The following ANK2 variants were observed in gnomAD, a reference collection of about 807,000 sequenced individuals.
The protein encoded by ANK2 is ankyrin 2.
In ANK2, 83 loss-of-function variants were observed where a neutral mutation model predicts 360.5. The observed-to-expected ratio is 0.23, with a 90% confidence interval of 0.19 to 0.28. The LOEUF (loss-of-function observed/expected upper bound fraction) is 0.28, where lower values mean the gene tolerates loss of function less well. Among genes scored for constraint, ANK2 ranks in the 10% least tolerant of loss-of-function variants. The probability of loss-of-function intolerance (pLI) is 1.00; values close to 1 mark genes in which losing one functional copy is unlikely to be tolerated. For synonymous variants in ANK2, 1,740 were observed against 1,759.5 expected (o/e 0.99, Z 0.28); for missense variants, 4,201 against 4,795.7 (o/e 0.88, Z 3.66).
At chr4:112,975,468 T>A (rs2041067920) in intron 2 of ANK2, among the ~76,000 whole-genome samples, 1 of 152,218 alleles carries the variant, frequency 6.6e-6, no homozygotes, top group African/African-American at 2.4e-5. Flanking sequence ...GAAAATATTA[T>A]ACACAACTTT....
At chr4:113,267,794 A>G (rs1490288056) in intron 14 of ANK2, among the ~76,000 whole-genome samples, 3 of 152,158 alleles carry the variant, frequency 2.0e-5, no homozygotes, top group Non-Finnish European at 2.9e-5. Context: ...AAGAAAATCA[A>G]CGGTAGCTTG....
the ANK2 span, among the ~76,000 whole-genome samples, chr4:112,810,420 C>A: frequency 2.0e-5 from 3 of 151,914 alleles, no homozygotes; most frequent in Non-Finnish European, 2.9e-5. Context: ...CTCTGTTGGC[C>A]CCAGTGTGTT....
chr4:112,884,802 A>G (rs192080451), intron 1 of ANK2, among the ~76,000 whole-genome samples: 1 of 152,148 alleles, frequency 6.6e-6, no homozygotes, highest in Non-Finnish European at 1.5e-5. Context: ...TCTGTCTTTC[A>G]TGATAATTTT....
Position 112,953,990 on chromosome 4 carries a change from G to A in ANK2, c.21+49476G>A, listed in dbSNP as rs372613957. Reference sequence around the variant, plus strand: ...TATAAATGTAAAGGCAGAAAAAAAAGAATTTAGAATATATGATAGACTGGT... The same window carrying A: ...TATAAATGTAAAGGCAGAAAAAAAAAAATTTAGAATATATGATAGACTGGT... On this transcript the variant is annotated intron_variant, in intron 2 of 30. Coordinates refer to the ANK2 transcript ENST00000503271. 1.3e-4 allele frequency among the ~76,000 whole-genome samples: 19 copies of A among 150,852 alleles called. 1 individual carries two copies. The East Asian group carries it at 2.0e-3, about 16-fold the overall frequency.
chr4:112,939,413 G>T (rs926192611), intron 2 of ANK2, among the ~76,000 whole-genome samples: 1 of 152,098 alleles, frequency 6.6e-6, no homozygotes, highest in African/African-American at 2.4e-5. Flanking sequence ...TTGTTCAAGC[G>T]ATTCTCCTGT....
At chr4:113,317,395 G>T in intron 24 of ANK2, 1 of 392,462 alleles carries the variant, frequency 2.5e-6, no homozygotes, top group South Asian at 2.3e-5. Context: ...TGAATTTCTG[G>T]TACTGGCAGT....
chr4:112,859,847 A>G (rs2067421496), intron 1 of ANK2, among the ~76,000 whole-genome samples: 1 of 152,222 alleles, frequency 6.6e-6, no homozygotes. Context: ...TACCTGGAAA[A>G]CGATAATAGA....
At chr4:112,948,944 A>G (rs1440599476) in intron 2 of ANK2, among the ~76,000 whole-genome samples, 6 of 152,098 alleles carry the variant, frequency 3.9e-5, no homozygotes, top group African/African-American at 1.4e-4. Context: ...TCTTCATCTC[A>G]GGCCTTCAGA....
chr4:113,363,286 A>G, intron 39 of ANK2, 52 bp from the exon 40 acceptor site: 2 of 1,586,592 alleles, frequency 1.3e-6, no homozygotes, highest in Non-Finnish European at 1.7e-6. Context: ...CAAAATGTAG[A>G]GACTGAAACC....
chr4:113,335,988 A>G lies in ANK2; in HGVS notation c.3522A>G (p.Thr1174=), dbSNP rs1337280357. The stretch of plus-strand genomic sequence containing the variant: ...CAGAAGGAGGTGTACTGAGCAGCAC[A>G]GTGGTGCCCCAGGTGCAGGCCGTCT... ...IGPEGGVLSS[T]VVPQVQAVFP... is the part of the protein sequence containing the mutation. The change falls in exon 30 of 46, where the codon ACA becomes ACG. Residue 1174 remains threonine (T), a synonymous_variant. Coordinates refer to ENST00000357077, the MANE Select transcript of ANK2 (RefSeq NM_001148.6). The G allele has an allele frequency of 2.5e-6, 4 of 1,614,206 alleles. No individual in the cohort carries two copies. The highest frequency in any genetic ancestry group is 1.6e-4 in the Middle Eastern group (1 of 6,062).
chr4:113,210,194 A>G (rs77584325), intron 4 of ANK2, among the ~76,000 whole-genome samples: 7,638 of 152,114 alleles, frequency 0.05, 272 homozygotes, highest in Non-Finnish European at 0.07. Context: ...CTTTATTTCT[A>G]TGCTTGGGGA....
chr4:112,875,833 C>T (rs2074888207), intron 1 of ANK2, among the ~76,000 whole-genome samples: 1 of 152,008 alleles, frequency 6.6e-6, no homozygotes, highest in South Asian at 2.1e-4. Flanking sequence ...CCTCAAACTC[C>T]TGGGCTCAAG....
At chr4:112,715,668 A>G in the ANK2 span, among the ~76,000 whole-genome samples, 3 of 152,118 alleles carry the variant, frequency 2.0e-5, no homozygotes, top group Non-Finnish European at 2.9e-5. Context: ...GTCGCCTTGT[A>G]CTCGGGCTCT....
intron 1 of ANK2, among the ~76,000 whole-genome samples, chr4:112,833,739 G>A (rs924733722): frequency 5.3e-5 from 8 of 152,122 alleles, no homozygotes; most frequent in Non-Finnish European, 8.8e-5. Flanking sequence ...TCCTGACCTC[G>A]TGATCCGCCC....
At chr4:113,381,309 A>T in intron 45 of ANK2, 148 bp from the exon 46 acceptor site, 1 of 810,134 alleles carries the variant, frequency 1.2e-6, no homozygotes, top group Non-Finnish European at 2.1e-6. Flanking sequence ...ACACAAAAAG[A>T]TGTCTATAGT....
chr4:113,025,499 A>G (rs964673161), intron 2 of ANK2, among the ~76,000 whole-genome samples: 1 of 152,174 alleles, frequency 6.6e-6, no homozygotes, highest in South Asian at 2.1e-4. Flanking sequence ...CCTTATGGAT[A>G]AACTCCAAAT....
chr4:112,773,137 G>A, the ANK2 span, among the ~76,000 whole-genome samples: 1 of 152,064 alleles, frequency 6.6e-6, no homozygotes, highest in East Asian at 1.9e-4. Flanking sequence ...GGGCAACATG[G>A]CAAAACCCCA....
chr4:113,310,688 A>T (rs1196050677), intron 23 of ANK2, among the ~76,000 whole-genome samples: 1 of 152,194 alleles, frequency 6.6e-6, no homozygotes, highest in African/African-American at 2.4e-5. Context: ...AAGGGTTGGG[A>T]TTACAGGCAT....
intron 1 of ANK2, among the ~76,000 whole-genome samples, chr4:112,897,424 G>A (rs992713430): frequency 1.3e-5 from 2 of 152,050 alleles, no homozygotes; most frequent in African/African-American, 2.4e-5. Context: ...TTGCATACAT[G>A]GTTATAAAGA....
Sources: allele counts gnomAD v4.1 joint callset (sites outside exome capture counted in the v4.1 genomes callset), GRCh38; gene constraint gnomAD v4.1.1; transcripts MANE v1.5; gene names NCBI Gene and HGNC (gene_info 2026-07-23, HGNC 2026-07-21).